PAX7: variants seen among roughly 807,000 people sequenced by gnomAD.
PAX7 encodes paired box protein Pax-7.
In PAX7, 18 loss-of-function variants were observed where a neutral mutation model predicts 50.7. The ratio of observed to expected loss-of-function variants is 0.36; its 90% CI spans 0.25 to 0.53. The LOEUF is 0.53. Among genes scored for constraint, PAX7 ranks in the 20% least tolerant of loss-of-function variants. PAX7 has a pLI of 0.93. For missense variants in PAX7, 644 were observed against 702.9 expected, an observed-to-expected ratio of 0.92 and a Z score of 0.95; for synonymous variants, 310 against 290.4, an observed-to-expected ratio of 1.07 and a Z score of -0.69.
chr1:18,641,275 A>AGC (rs908460060), intron 4 of PAX7, among the ~76,000 whole-genome samples: 9 of 152,340 alleles, frequency 5.9e-5, no homozygotes, highest in African/African-American at 2.2e-4. Context: ...AGAACAGGCG[A>AGC]GCGGAGGGCA....
chr1:18,701,077 G>A (rs571306775), intron 6 of PAX7, among the ~76,000 whole-genome samples: 1 of 152,200 alleles, frequency 6.6e-6, no homozygotes, highest in African/African-American at 2.4e-5. Context: ...TCCCAGGAAT[G>A]TTACTAAAAT....
At chr1:18,663,000 C>T (rs1363979997) in intron 4 of PAX7, among the ~76,000 whole-genome samples, 6 of 152,086 alleles carry the variant, frequency 3.9e-5, no homozygotes, top group Admixed American at 3.9e-4. Flanking sequence ...GAGTTAAATA[C>T]AATGAATAAC....
chr1:18,737,193 C>T (rs1930762708), intron 8 of PAX7, among the ~76,000 whole-genome samples: 1 of 152,274 alleles, frequency 6.6e-6, no homozygotes, highest in Non-Finnish European at 1.5e-5. Flanking sequence ...TGCCCCACCG[C>T]CCTGCAAAGG....
At chr1:18,727,348 A>AT (rs1570236299) in intron 7 of PAX7, among the ~76,000 whole-genome samples, 1 of 90,008 alleles carries the variant, frequency 1.1e-5, no homozygotes, top group East Asian at 2.9e-4. Flanking sequence ...ACACTCTCTC[A>AT]TCCTCTCTCT....
rs189171308 is a variant in PAX7 at position 18,636,082 on chromosome 1, C to G, written c.452-155C>G. On this transcript the variant is annotated intron_variant, in intron 3 of 8. Transcript: ENST00000420770. This position sits in a 1 kb window ranked among gnomAD's most constrained non-coding sequence, Gnocchi z 5.1. Reference sequence around the variant, plus strand: ...CCAAGTGGATGCTGGTTATGGAGTACGTGTCAATGCCTAAATGCCTGTGTG... The same window carrying G: ...CCAAGTGGATGCTGGTTATGGAGTAGGTGTCAATGCCTAAATGCCTGTGTG... 1.6e-4 allele frequency among the ~76,000 whole-genome samples: 25 copies of G among 152,042 alleles called. No individual in the cohort carries two copies. Among genetic ancestry groups the G allele is most frequent in the Admixed American group, 6.5e-4 (10 of 15,280 alleles).
chr1:18,710,633 A>T (rs576083130), intron 7 of PAX7, among the ~76,000 whole-genome samples: 1 of 152,298 alleles, frequency 6.6e-6, no homozygotes, highest in South Asian at 2.1e-4. Flanking sequence ...TGCCTAGCCC[A>T]GGCAACAAGA....
At chr1:18,663,850 C>T (rs2088632333) in intron 4 of PAX7, among the ~76,000 whole-genome samples, 1 of 152,250 alleles carries the variant, frequency 6.6e-6, no homozygotes, top group South Asian at 2.1e-4. Context: ...AGGTCAGGAA[C>T]AGTTATCACT....
chr1:18,717,289 C>T (rs1463490203), intron 7 of PAX7, among the ~76,000 whole-genome samples: 1 of 152,186 alleles, frequency 6.6e-6, no homozygotes, highest in East Asian at 1.9e-4. Flanking sequence ...GTCGCGGGGC[C>T]TCGGCCGTCT....
intron 4 of PAX7, among the ~76,000 whole-genome samples, chr1:18,644,163 T>A (rs984193719): frequency 3.9e-5 from 6 of 152,204 alleles, no homozygotes; most frequent in Non-Finnish European, 2.9e-5. Flanking sequence ...GAAGGCTTAG[T>A]GCAACTCCGG....
chr1:18,651,866 G>A (rs1445539817), intron 4 of PAX7, among the ~76,000 whole-genome samples: 3 of 135,518 alleles, frequency 2.2e-5, no homozygotes, highest in Non-Finnish European at 3.1e-5. Context: ...TGAGGCTTCC[G>A]GCCTCTGCTG....
intron 7 of PAX7, among the ~76,000 whole-genome samples, chr1:18,703,752 A>T (rs1278692712): frequency 1.3e-5 from 2 of 152,154 alleles, no homozygotes. Flanking sequence ...TGAGGAACTG[A>T]TGGGCTCATT....
rs759947134 is a variant in PAX7 at position 18,634,576 on chromosome 1, C to G, written c.321+38C>G. ...GCCACAGAGGCTGGCAGCTGGCTTC[C>G]TATAGTCGGGGGCTCCTGGTTGTGG... On this transcript the variant is annotated intron_variant, in intron 2 of 8. Coordinates refer to ENST00000420770, the MANE Select transcript of PAX7 (RefSeq NM_001135254.2). This position sits in a 1 kb window ranked among gnomAD's most constrained non-coding sequence, Gnocchi z 4.0. 5.7e-6 allele frequency: 9 copies of G among 1,582,134 alleles called. No individual in the cohort carries two copies. In the East Asian group the frequency reaches 1.6e-4, roughly 28 times the overall value.
Position 18,748,469 on chromosome 1 carries a change from T to C in PAX7, c.*3540T>C, listed in dbSNP as rs1242730720. On this transcript the variant is annotated 3_prime_UTR_variant, in exon 9 of 9. Coordinates refer to ENST00000420770, the MANE Select transcript of PAX7 (RefSeq NM_001135254.2). ...AAACCAAGACCAAATGGGGGTTCTC[T>C]AGCCGCCAACTTGAAACGCTCTGAG... The C allele has an allele frequency of 4.3e-6, 1 of 232,050 alleles. No individual in the cohort carries two copies. Among genetic ancestry groups the C allele is most frequent in the Non-Finnish European group, 8.5e-6 (1 of 117,338 alleles). 14.4% of individuals were successfully genotyped at this position (232,050 alleles called of 1,614,324 possible).
At chr1:18,658,135 C>T (rs977580442) in intron 4 of PAX7, among the ~76,000 whole-genome samples, 2 of 152,280 alleles carry the variant, frequency 1.3e-5, no homozygotes, top group South Asian at 2.1e-4. Context: ...ACATCTGCAG[C>T]GGGAGGAATA....
In PAX7 at chr1:18,703,245, G is replaced by A. The variant is rs375331925; in HGVS notation, c.1104G>A (p.Pro368=). The A allele has an allele frequency of 5.7e-5, 92 of 1,614,028 alleles. No homozygotes were observed. The highest frequency in any genetic ancestry group is 1.5e-4 in the Admixed American group (9 of 60,010). ...GCTACTCTGACAGCTTCATGAATCCGGCGGCGCCCTCCAACCACATGAACC... is the reference window on the plus strand; with the variant it reads ...GCTACTCTGACAGCTTCATGAATCCAGCGGCGCCCTCCAACCACATGAACC... ...FSSYSDSFMN[P]AAPSNHMNPV... Residue 368 remains proline (P), a synonymous_variant, in exon 7 of 9, where the codon CCG becomes CCA. Coordinates refer to ENST00000420770, the MANE Select transcript of PAX7 (RefSeq NM_001135254.2).
In PAX7 at chr1:18,726,155, T is replaced by C. The variant is rs887900981; in HGVS notation, c.1156-9477T>C. Among the ~76,000 whole-genome samples the C allele has an allele frequency of 7.9e-5, 8 of 101,364 alleles. No homozygotes were observed. Among genetic ancestry groups the C allele is most frequent in the African/African-American group, 3.4e-4 (8 of 23,654 alleles). 66.5% of individuals were successfully genotyped at this position (101,364 alleles called of 152,430 possible). On this transcript the variant is annotated intron_variant, in intron 7 of 8. Coordinates refer to ENST00000420770, the MANE Select transcript of PAX7 (RefSeq NM_001135254.2). This position sits in a 1 kb window ranked among gnomAD's most constrained non-coding sequence, Gnocchi z 4.8. ...CATTGGAAGAGTGTGAGTGTGTGTG[T>C]GTGTGTGTGTGTGTGTGTGTGTGTC... is the stretch of plus-strand genomic sequence containing the variant.
rs2088116632 is a variant in PAX7 at position 18,634,686 on chromosome 1, TC to T, written c.321+150del. On this transcript the variant is annotated intron_variant, in intron 2 of 8. Coordinates refer to ENST00000420770, the MANE Select transcript of PAX7 (RefSeq NM_001135254.2). The surrounding 1 kb of genome is among the most constrained non-coding windows in gnomAD (Gnocchi z 4.0). ...ACTCCCAGATGTCCTCCCATTGTTT[TC>T]CTATTATTTGAATTTCTCAGAGATG... 1.5e-6 allele frequency: 1 copy of T among 668,830 alleles called. No individual in the cohort carries two copies. The highest frequency in any genetic ancestry group is 1.8e-5 in the African/African-American group (1 of 55,218). The allele number at this position is 668,830 out of a possible 1,614,324, so 41.4% of individuals were successfully genotyped here.
chr1:18,684,699 G>A (rs930374117), intron 4 of PAX7, among the ~76,000 whole-genome samples: 3 of 152,212 alleles, frequency 2.0e-5, no homozygotes, highest in African/African-American at 2.4e-5. Flanking sequence ...AGCTCTGCCC[G>A]AATTACTTGA....
At chr1:18,737,567 C>T (rs1211519599) in intron 8 of PAX7, among the ~76,000 whole-genome samples, 1 of 152,252 alleles carries the variant, frequency 6.6e-6, no homozygotes, top group Non-Finnish European at 1.5e-5. Flanking sequence ...TCTATTTCAG[C>T]ACCCATGTGT....
Sources: allele counts gnomAD v4.1 joint callset (sites outside exome capture counted in the v4.1 genomes callset), GRCh38; gene constraint gnomAD v4.1.1; non-coding constraint Gnocchi (gnomAD v3.1); transcripts MANE v1.5; gene names NCBI Gene and HGNC (gene_info 2026-07-23, HGNC 2026-07-21).